The following SLC39A11 variants were observed in gnomAD, a reference collection of about 807,000 sequenced individuals.
SLC39A11 encodes zinc transporter ZIP11.
Under a neutral mutation model 36.1 loss-of-function variants are expected in SLC39A11, and 33 were observed. The observed-to-expected ratio is 0.91, with a 90% CI of 0.69 to 1.22. The LOEUF (loss-of-function observed/expected upper bound fraction) is 1.22. Ranked by LOEUF, SLC39A11 falls within the 50% of genes most tolerant of loss-of-function variation. The pLI is 0.00. For synonymous variants in SLC39A11, 166 were observed against 170.3 expected, an observed-to-expected ratio of 0.97 and a Z score of 0.20; for missense variants, 432 against 430.3, an observed-to-expected ratio of 1.00 and a Z score of -0.03.
At chr17:72,746,435 G>A (rs1357019507) in intron 6 of SLC39A11, among the ~76,000 whole-genome samples, 1 of 144,560 alleles carries the variant, frequency 6.9e-6, no homozygotes, top group Non-Finnish European at 1.5e-5. Context: ...GGGCAACATA[G>A]CAAGACCCCA....
At chr17:72,772,649 G>A (rs368922781) in intron 6 of SLC39A11, among the ~76,000 whole-genome samples, 9 of 152,308 alleles carry the variant, frequency 5.9e-5, no homozygotes, top group Non-Finnish European at 1.0e-4. Flanking sequence ...CTGTTGCATC[G>A]CTGCACACCT....
intron 3 of SLC39A11, among the ~76,000 whole-genome samples, chr17:73,077,707 C>T (rs754130861): frequency 9.9e-5 from 15 of 152,072 alleles, no homozygotes; most frequent in African/African-American, 1.9e-4. Context: ...TTCTTTCTAC[C>T]GACTACTTTA....
intron 7 of SLC39A11, among the ~76,000 whole-genome samples, chr17:72,680,605 A>C (rs1351732391): frequency 6.6e-6 from 1 of 152,212 alleles, no homozygotes; most frequent in South Asian, 2.1e-4. Context: ...GCCATGTGGA[A>C]CTGTGAGTCC....
chr17:72,816,873 A>G (rs1367026632), intron 6 of SLC39A11, among the ~76,000 whole-genome samples: 3 of 152,164 alleles, frequency 2.0e-5, no homozygotes, highest in East Asian at 3.8e-4. Context: ...TTCTTTTTCC[A>G]AAAGTAAAAT....
At chr17:72,746,669 C>T (rs183208936) in intron 6 of SLC39A11, among the ~76,000 whole-genome samples, 113 of 152,168 alleles carry the variant, frequency 7.4e-4, no homozygotes, top group Admixed American at 2.7e-3. Flanking sequence ...ACCCAGGAGG[C>T]GGAGCTTGCA....
chr17:72,946,483 T>C (rs2085437706), intron 5 of SLC39A11, among the ~76,000 whole-genome samples: 1 of 152,204 alleles, frequency 6.6e-6, no homozygotes, highest in South Asian at 2.1e-4. Flanking sequence ...GAGATCATCT[T>C]AGCATAGAGA....
chr17:73,057,060 A>G (rs1011080644), intron 3 of SLC39A11, among the ~76,000 whole-genome samples: 2 of 152,096 alleles, frequency 1.3e-5, no homozygotes, highest in African/African-American at 4.8e-5. Flanking sequence ...CCTGAGCTCA[A>G]TTGATCCTCC....
chr17:72,728,158 G>A (rs1198785507), intron 7 of SLC39A11, among the ~76,000 whole-genome samples: 1 of 152,030 alleles, frequency 6.6e-6, no homozygotes, highest in Non-Finnish European at 1.5e-5. Context: ...TCTGAAAAGG[G>A]TCAGATAGCC....
At chr17:72,839,039 G>C (rs1409249764) in intron 6 of SLC39A11, 1 of 152,246 alleles carries the variant, frequency 6.6e-6, no homozygotes, top group Non-Finnish European at 1.5e-5. Flanking sequence ...GTAAGTTGCT[G>C]AATGGGCTCA....
intron 4 of SLC39A11, among the ~76,000 whole-genome samples, chr17:72,963,851 A>G (rs1245466284): frequency 6.6e-6 from 1 of 152,222 alleles, no homozygotes; most frequent in Non-Finnish European, 1.5e-5. Flanking sequence ...AATGTCCAGT[A>G]GCCCACCTTT....
At chr17:72,964,550 G>A (rs1415496974) in intron 4 of SLC39A11, among the ~76,000 whole-genome samples, 1 of 152,204 alleles carries the variant, frequency 6.6e-6, no homozygotes, top group Non-Finnish European at 1.5e-5. Flanking sequence ...AGAAATTGAA[G>A]TAAAAGACTG....
intron 6 of SLC39A11, among the ~76,000 whole-genome samples, chr17:72,759,634 G>C (rs555667488): frequency 4.3e-4 from 65 of 152,282 alleles, no homozygotes; most frequent in Non-Finnish European, 8.2e-4. Flanking sequence ...TTTGGCCATT[G>C]CTATTGTCCA....
chr17:72,664,287 GC>G (rs1258099354), intron 7 of SLC39A11: 1 of 152,166 alleles, frequency 6.6e-6, no homozygotes, highest in Admixed American at 6.5e-5. Context: ...TGAAGGACAC[GC>G]CGTGGGTCCC....
At chr17:73,084,542 G>A (rs1159094470) in intron 3 of SLC39A11, among the ~76,000 whole-genome samples, 1 of 151,834 alleles carries the variant, frequency 6.6e-6, no homozygotes, top group African/African-American at 2.4e-5. Flanking sequence ...ATTAGGCTAG[G>A]CCTGTGCTAG....
chr17:72,909,912 CT>C lies in SLC39A11; in HGVS notation c.430+37839del, dbSNP rs371477624. On this transcript the variant is annotated intron_variant, in intron 5 of 9. Transcript: ENST00000255559. ...AGGCGCCCGCCATTACGCCCGGCTA[CT>C]TTTTTTTTTTGTATTTTTTTAGTAG... Among the ~76,000 whole-genome samples, 1,107 of 145,864 alleles carry C rather than the reference CT, an allele frequency of 7.6e-3. 8 individuals carry two copies. The highest frequency in any genetic ancestry group is 0.024 in the African/African-American group (979 of 40,110).
At chr17:72,836,375 C>T (rs1243831070) in intron 6 of SLC39A11, among the ~76,000 whole-genome samples, 2 of 150,780 alleles carry the variant, frequency 1.3e-5, no homozygotes, top group South Asian at 2.1e-4. Context: ...GGGTCTCGCT[C>T]TGTTACCCAG....
intron 7 of SLC39A11, among the ~76,000 whole-genome samples, chr17:72,734,254 A>T (rs2143928127): frequency 6.6e-6 from 1 of 152,276 alleles, no homozygotes; most frequent in East Asian, 1.9e-4. Flanking sequence ...GGAGGGAATC[A>T]CAAACTCTAC....
At chr17:72,900,214 A>C (rs2082316078) in intron 5 of SLC39A11, among the ~76,000 whole-genome samples, 1 of 151,522 alleles carries the variant, frequency 6.6e-6, no homozygotes, top group South Asian at 2.1e-4. Context: ...AGAAAGAAAG[A>C]AAGAAAGAAA....
At chr17:72,900,032 GAGAAAGAGAGAGAGAA>G (rs2082252349) in intron 5 of SLC39A11, among the ~76,000 whole-genome samples, 3 of 115,048 alleles carry the variant, frequency 2.6e-5, no homozygotes, top group South Asian at 2.8e-4. Context: ...GAGAGAGAGA[GAGAAAGAGAGAGAGAA>G]AGAGAAAGAA....
Sources: allele counts gnomAD v4.1 joint callset (sites outside exome capture counted in the v4.1 genomes callset), GRCh38; gene constraint gnomAD v4.1.1; transcripts MANE v1.5; gene names NCBI Gene and HGNC (gene_info 2026-07-23, HGNC 2026-07-21).